Variants in SLTM observed in about 807,000 individuals in gnomAD.
SLTM encodes SAFB like transcription modulator.
SLTM carries 43 observed loss-of-function variants against 134.6 expected under a neutral mutation model. The ratio of observed to expected loss-of-function variants is 0.32; its 90% confidence interval spans 0.25 to 0.41. SLTM has a LOEUF of 0.41. Ranked by LOEUF, SLTM falls within the 10% of genes least tolerant of loss-of-function variation. The pLI is 1.00. For missense variants in SLTM, 1,055 were observed against 1,288.8 expected (o/e 0.82, Z 2.78); for synonymous variants, 424 against 432.3 (o/e 0.98, Z 0.24).
At chr15:58,929,834 C>G (rs1446080988) in intron 2 of SLTM, among the ~76,000 whole-genome samples, 1 of 152,062 alleles carries the variant, frequency 6.6e-6, no homozygotes, top group Non-Finnish European at 1.5e-5. Flanking sequence ...AAAACTGGCT[C>G]TAAAGATGAT....
intron 19 of SLTM, among the ~76,000 whole-genome samples, chr15:58,886,295 C>CT (rs2034203488): frequency 7.3e-6 from 1 of 136,074 alleles, no homozygotes; most frequent in South Asian, 2.3e-4. Flanking sequence ...CAGACAGGGT[C>CT]TGGCTCTGTA....
chr15:58,885,897 T>A (rs1289235707), intron 19 of SLTM, among the ~76,000 whole-genome samples: 2 of 152,064 alleles, frequency 1.3e-5, no homozygotes, highest in Non-Finnish European at 2.9e-5. Context: ...TGCACAATTC[T>A]TTTTGGTATA....
chr15:58,916,969 C>T lies in SLTM; in HGVS notation c.281G>A (p.Gly94Glu), dbSNP rs777603184. The T allele has an allele frequency of 2.5e-6, 4 of 1,613,828 alleles. No individual in the cohort carries two copies. In the Admixed American group the frequency reaches 6.7e-5, roughly 27 times the overall value. ...AGCATCATCTTCCACAGAAGCATCT[C>T]CACTCAACTCATCTGCTTCATGTTT... is the stretch of plus-strand genomic sequence containing the variant. ...GKKHEADELS[G>E]DASVEDDAFI... The change falls in exon 3 of 21, where the codon GGA becomes GAA. Residue 94 changes from glycine (G) to glutamate (E), a missense_variant. By Grantham distance (98) the Gly-to-Glu change is moderately conservative (BLOSUM62 -2). Coordinates refer to ENST00000380516, the MANE Select transcript of SLTM (RefSeq NM_024755.4).
chr15:58,889,109 T>C, intron 16 of SLTM: 1 of 229,536 alleles, frequency 4.4e-6, no homozygotes, highest in South Asian at 7.8e-5. Context: ...CTCAAGTTTA[T>C]GACTTCCATT....
intron 9 of SLTM, among the ~76,000 whole-genome samples, chr15:58,895,749 GA>G (rs1374159339): frequency 6.6e-6 from 1 of 152,004 alleles, no homozygotes; most frequent in African/African-American, 2.4e-5. Flanking sequence ...GAAAACAGAA[GA>G]AAAAATATAA....
At position 58,882,186 on chromosome 15, in the gene SLTM, A is replaced by AAAAAAAAAAAAAC. The variant is rs1170286359; in HGVS notation, c.2996+1439_2996+1440insGTTTTTTTTTTTT. Among the ~76,000 whole-genome samples, 1,023 of 148,572 alleles carry AAAAAAAAAAAAAC rather than the reference A, an allele frequency of 6.9e-3. 63 individuals are homozygous for AAAAAAAAAAAAAC. The highest frequency in any genetic ancestry group is 0.012 in the Non-Finnish European group (829 of 67,020). On this transcript the variant is annotated intron_variant, in intron 20 of 20. Coordinates refer to ENST00000380516, the MANE Select transcript of SLTM (RefSeq NM_024755.4). The stretch of plus-strand genomic sequence containing the variant: ...GACAGAGCAAGACTCTGTCTCAAAA[A>AAAAAAAAAAAAAC]AAAAAAACCACACTTAGAAATTTAT...
At chr15:58,921,538 C>T (rs1261650043) in intron 2 of SLTM, 6 of 434,078 alleles carry the variant, frequency 1.4e-5, no homozygotes, top group African/African-American at 6.1e-5. Context: ...TTTCCAACAG[C>T]TGTTACAATA....
chr15:58,932,199 C>G, intron 2 of SLTM, 157 bp downstream of exon 2: 1 of 610,950 alleles, frequency 1.6e-6, no homozygotes, highest in Non-Finnish European at 3.0e-6. Flanking sequence ...CACCCAAAGC[C>G]TGGCAACAGT....
Position 58,887,534 on chromosome 15 carries a change from A to G in SLTM, c.2382T>C (p.Asp794=). The G allele has an allele frequency of 1.2e-6, 2 of 1,609,168 alleles. No individual in the cohort carries two copies. Among genetic ancestry groups the G allele is most frequent in the Non-Finnish European group, 1.7e-6 (2 of 1,177,882 alleles). Residue 794 remains aspartate, a synonymous_variant, in exon 18 of 21, where the codon GAT becomes GAC. Transcript: ENST00000380516. The stretch of plus-strand genomic sequence containing the variant: ...TCCCCTCACTTTGACCAACAAAGCG[A>G]TCCCGCCTATTGATTAGAAACAAAG... The part of the protein sequence containing the change: ...AVQSSSFERR[D]RFVGQSEGKK...
chr15:58,890,026 A>T (rs1055170787), intron 15 of SLTM: 35 of 500,126 alleles, frequency 7.0e-5, no homozygotes, highest in Non-Finnish European at 1.4e-5. Context: ...CTGGACTCAT[A>T]GTCCTATGCT....
chr15:58,885,431 C>T (rs1378137916), intron 19 of SLTM, among the ~76,000 whole-genome samples: 2 of 152,136 alleles, frequency 1.3e-5, no homozygotes, highest in Non-Finnish European at 2.9e-5. Flanking sequence ...ATGCGGAGGG[C>T]TAGTCTTTGA....
At chr15:58,920,763 C>G (rs1285276646) in intron 2 of SLTM, among the ~76,000 whole-genome samples, 5 of 151,944 alleles carry the variant, frequency 3.3e-5, no homozygotes, top group African/African-American at 9.7e-5. Flanking sequence ...CGAGACCAGC[C>G]TGGCCAACAC....
intron 5 of SLTM, among the ~76,000 whole-genome samples, chr15:58,909,664 A>G (rs919166631): frequency 1.3e-5 from 2 of 152,222 alleles, no homozygotes; most frequent in Non-Finnish European, 2.9e-5. Flanking sequence ...ACAGTACTAC[A>G]CCTATGAGGT....
chr15:58,908,675 A>C (rs936121371), intron 5 of SLTM, among the ~76,000 whole-genome samples: 8 of 152,178 alleles, frequency 5.3e-5, no homozygotes, highest in African/African-American at 1.4e-4. Flanking sequence ...AGCCCAGACT[A>C]AACTTTCAAA....
intron 3 of SLTM, among the ~76,000 whole-genome samples, chr15:58,914,876 G>A (rs2036519362): frequency 6.6e-6 from 1 of 152,070 alleles, no homozygotes; most frequent in Admixed American, 6.6e-5. Flanking sequence ...AAAATAAACT[G>A]AAGATATCTT....
chr15:58,920,668 T>A lies in SLTM; in HGVS notation c.251-3669A>T, dbSNP rs529641521. On this transcript the variant is annotated intron_variant, in intron 2 of 20. Coordinates refer to ENST00000380516, the MANE Select transcript of SLTM (RefSeq NM_024755.4). Reference sequence around the variant, plus strand: ...AAATAAATAAATAAATAAATAAAAATTTTTTGGCTGGGCGTGGTGGCTCAC... The same window carrying A: ...AAATAAATAAATAAATAAATAAAAAATTTTTGGCTGGGCGTGGTGGCTCAC... Among the ~76,000 whole-genome samples the A allele has an allele frequency of 8.4e-4, 72 of 85,964 alleles. 1 individual carries two copies. The highest frequency in any genetic ancestry group is 3.1e-3 in the African/African-American group (69 of 22,386). The allele number at this position is 85,964 out of a possible 152,430, so 56.4% of individuals were successfully genotyped here. A position where few individuals can be genotyped will look rare whatever the true frequency, so the allele number is the denominator to read the frequency against.
intron 15 of SLTM, chr15:58,889,962 A>G (rs1194832518): frequency 2.1e-5 from 8 of 377,040 alleles, no homozygotes; most frequent in Non-Finnish European, 9.5e-6. Flanking sequence ...ATGTAAGGAA[A>G]TCGTTATTAT....
At chr15:58,908,448 C>A (rs936087130) in intron 5 of SLTM, among the ~76,000 whole-genome samples, 10 of 152,080 alleles carry the variant, frequency 6.6e-5, no homozygotes, top group African/African-American at 2.4e-4. Flanking sequence ...CTCACTGCAG[C>A]CTTGACCTCC....
At chr15:58,925,107 T>G (rs2037367360) in intron 2 of SLTM, among the ~76,000 whole-genome samples, 1 of 145,308 alleles carries the variant, frequency 6.9e-6, no homozygotes, top group African/African-American at 2.6e-5. Flanking sequence ...AGTTATAAAA[T>G]TTCTGTTGCA....
Sources: allele counts gnomAD v4.1 joint callset (sites outside exome capture counted in the v4.1 genomes callset), GRCh38; gene constraint gnomAD v4.1.1; transcripts MANE v1.5; gene names NCBI Gene and HGNC (gene_info 2026-07-23, HGNC 2026-07-21).